The following WASHC5 variants were observed in gnomAD, a reference collection of about 807,000 sequenced individuals.
The protein encoded by WASHC5 is WASH complex subunit strumpellin.
A neutral mutation model predicts 150.4 loss-of-function variants in WASHC5; 101 were observed. That is an observed-to-expected ratio of 0.67 (90% confidence interval 0.57 to 0.79). The LOEUF is 0.79. Ranked by LOEUF, WASHC5 falls within the 30% of genes least tolerant of loss-of-function variation. The probability of loss-of-function intolerance (pLI) is 0.00; values close to 1 mark genes in which losing one functional copy is unlikely to be tolerated. For missense variants in WASHC5, 1,195 were observed against 1,396.3 expected (o/e 0.86, Z 2.30); for synonymous variants, 467 against 491.2 (o/e 0.95, Z 0.65).
chr8:125,085,099 T>A (rs1348107794), intron 1 of WASHC5, among the ~76,000 whole-genome samples: 4 of 152,212 alleles, frequency 2.6e-5, no homozygotes, highest in Non-Finnish European at 4.4e-5. Flanking sequence ...CAAGAGGTGA[T>A]GTCTGTCCTC....
Position 125,050,599 on chromosome 8 carries a change from G to A in WASHC5, c.2164C>T (p.Leu722=), listed in dbSNP as rs554203086. The A allele has an allele frequency of 4.8e-5, 77 of 1,614,042 alleles. No individual in the cohort carries two copies. The South Asian group carries it at 6.6e-4, about 14-fold the overall frequency. ...GGGTTGAATATCAGTCCCCTATGCAGGGCAAAGGCAACGCGCTTCACAAGC... is the reference window on the plus strand; with the variant it reads ...GGGTTGAATATCAGTCCCCTATGCAAGGCAAAGGCAACGCGCTTCACAAGC... ...KELVKRVAFA[L]HRGLIFNPRA... is the part of the protein sequence containing the mutation. Residue 722 remains leucine (L), a synonymous_variant, in exon 18 of 29, where the codon CTG becomes TTG. Coordinates refer to ENST00000318410, the MANE Select transcript of WASHC5 (RefSeq NM_014846.4).
At chr8:125,088,685 C>G (rs1817499503) in intron 1 of WASHC5, among the ~76,000 whole-genome samples, 1 of 152,038 alleles carries the variant, frequency 6.6e-6, no homozygotes. Flanking sequence ...TCAGATAAGA[C>G]CATAGCTCCT....
chr8:125,057,633 T>C lies in WASHC5; in HGVS notation c.1798A>G (p.Ile600Val). The C allele has an allele frequency of 6.2e-7, 1 of 1,613,876 alleles. No homozygotes were observed. Among genetic ancestry groups the C allele is most frequent in the Non-Finnish European group, 8.5e-7 (1 of 1,179,850 alleles). The stretch of plus-strand genomic sequence containing the variant: ...AGGTCGGGGCTATTTGCCTGATTAA[T>C]ACGAAGAAGGGGCAGATCGAGGGCA... ...ASALDLPLLR[I>V]NQANSPDLLS... The change falls in exon 15 of 29, where the codon ATT (isoleucine) becomes GTT (valine). Residue 600 changes from isoleucine (I) to valine (V), a missense_variant. By Grantham distance (29) the Ile-to-Val change is conservative (BLOSUM62 3). Around this residue, in one of 3 missense-constraint regions of WASHC5, gnomAD observed 997 missense variants for 1,168.1 expected, o/e 0.85. Coordinates refer to ENST00000318410, the MANE Select transcript of WASHC5 (RefSeq NM_014846.4).
intron 18 of WASHC5, among the ~76,000 whole-genome samples, chr8:125,049,584 T>C (rs1335882161): frequency 1.4e-5 from 2 of 141,974 alleles, no homozygotes; most frequent in Admixed American, 1.4e-4. Context: ...GCCAGGCTCA[T>C]GCCTGTAATC....
chr8:125,042,269 T>A (rs1815913384), intron 23 of WASHC5, among the ~76,000 whole-genome samples: 1 of 152,326 alleles, frequency 6.6e-6, no homozygotes. Flanking sequence ...CTCCTAGCGA[T>A]GTGTGGCTAT....
In WASHC5 at chr8:125,044,597, C is replaced by G; in HGVS notation, c.2606G>C (p.Gly869Ala). ...GTCTAAGCCATTTAGACCAAAGGTT[C>G]CCAAGGTGGTCTGGATTTCTGAGAA... ...RLFSEIQTTL[G>A]TFGLNGLDRL... The change falls in exon 21 of 29, where the codon GGA (glycine) becomes GCA (alanine). Residue 869 changes from glycine to alanine, a missense_variant. Gly to Ala is a moderately conservative substitution (Grantham distance 60). Transcript: ENST00000318410. 6.2e-7 allele frequency: 1 copy of G among 1,614,104 alleles called. No individual in the cohort carries two copies. The highest frequency in any genetic ancestry group is 8.5e-7 in the Non-Finnish European group (1 of 1,179,972).
chr8:125,091,569 AG>A, intron 1 of WASHC5, 45 bp downstream of exon 1: 1 of 152,596 alleles, frequency 6.6e-6, no homozygotes. Context: ...GGGGAGGGGA[AG>A]GGGGCCATGC....
chr8:125,067,443 C>T (rs1426026422), intron 10 of WASHC5, 149 bp downstream of exon 10: 5 of 674,212 alleles, frequency 7.4e-6, no homozygotes, highest in African/African-American at 7.3e-5. Flanking sequence ...AATGTTTATT[C>T]CTGTCCTTTA....
At chr8:125,067,060 G>A (rs1157638205) in intron 10 of WASHC5, among the ~76,000 whole-genome samples, 1 of 152,106 alleles carries the variant, frequency 6.6e-6, no homozygotes, top group East Asian at 1.9e-4. Context: ...TGTTGCCTAG[G>A]CTGGAGTGCA....
chr8:125,057,953 G>T (rs1471891003), intron 14 of WASHC5, among the ~76,000 whole-genome samples: 1 of 151,940 alleles, frequency 6.6e-6, no homozygotes, highest in Non-Finnish European at 1.5e-5. Context: ...TGGGGGTGCG[G>T]CCCAGCAATC....
At chr8:125,032,986 T>C (rs1211192136) in intron 26 of WASHC5, among the ~76,000 whole-genome samples, 1 of 151,890 alleles carries the variant, frequency 6.6e-6, no homozygotes, top group African/African-American at 2.4e-5. Flanking sequence ...CAGTGGCTAT[T>C]CGCAGGTGCA....
intron 5 of WASHC5, among the ~76,000 whole-genome samples, 186 bp from the exon 6 acceptor site, chr8:125,079,116 GTATATATATATATATA>G (rs57043871): frequency 1.0e-5 from 1 of 97,912 alleles, no homozygotes; most frequent in African/African-American, 4.6e-5. Flanking sequence ...GTGTGTGTGT[GTATATATATATATATA>G]TATATATACA....
chr8:125,064,952 C>T (rs145158072), intron 10 of WASHC5, among the ~76,000 whole-genome samples: 7 of 152,058 alleles, frequency 4.6e-5, no homozygotes, highest in African/African-American at 1.4e-4. Context: ...TAGAGTCTAC[C>T]CTAACTTTCT....
rs1010118368 is a variant in WASHC5, at chr8:125,037,015, A to AAAAT, written c.3181+218_3181+221dup. Reference sequence around the variant, plus strand: ...GCAATAAGAACAAAACTCCATCTCAAAAATAAATAAATAAATAAATAAAAA... The same window carrying AAAAT: ...GCAATAAGAACAAAACTCCATCTCAAAAATAAATAAATAAATAAATAAATAAAAA... On this transcript the variant is annotated intron_variant, in intron 26 of 28. Transcript: ENST00000318410. 6.6e-5 allele frequency among the ~76,000 whole-genome samples: 10 copies of AAAAT among 152,136 alleles called. No individual in the cohort carries two copies. The East Asian group carries it at 7.7e-4, about 12-fold the overall frequency.
chr8:125,034,247 C>A (rs1815629757), intron 26 of WASHC5, among the ~76,000 whole-genome samples: 1 of 152,152 alleles, frequency 6.6e-6, no homozygotes, highest in African/African-American at 2.4e-5. Flanking sequence ...TGCCTGTAAT[C>A]TTGGCACTTT....
chr8:125,029,094 T>C (rs1227407221), intron 27 of WASHC5, among the ~76,000 whole-genome samples: 1 of 151,396 alleles, frequency 6.6e-6, no homozygotes. Context: ...TGCAGTGGTA[T>C]GATCTCGGCT....
At chr8:125,048,305 T>A (rs1816134671) in intron 19 of WASHC5, among the ~76,000 whole-genome samples, 1 of 152,228 alleles carries the variant, frequency 6.6e-6, no homozygotes, top group South Asian at 2.1e-4. Context: ...TGGCTCCTTG[T>A]TAACTACTTA....
chr8:125,064,369 AT>A (rs1271296738), intron 10 of WASHC5, among the ~76,000 whole-genome samples: 2 of 133,996 alleles, frequency 1.5e-5, no homozygotes, highest in African/African-American at 3.3e-5. Flanking sequence ...CACCTGGTTA[AT>A]TTTCTTATTT....
chr8:125,059,688 T>C, intron 12 of WASHC5, 146 bp from the exon 13 acceptor site: 1 of 658,128 alleles, frequency 1.5e-6, no homozygotes, highest in South Asian at 2.0e-5. Flanking sequence ...TTCAGAAACG[T>C]GAGCCAAGCT....
Sources: gnomAD v4.1 joint callset for allele counts (sites outside exome capture counted in the v4.1 genomes callset) on GRCh38, gnomAD v4.1.1 for gene constraint, gnomAD v4.1.1 regional missense constraint, MANE v1.5 for transcripts, NCBI Gene and HGNC (gene_info 2026-07-23, HGNC 2026-07-21) for gene names.